The following CEP128 variants were observed in gnomAD, a reference collection of about 807,000 sequenced individuals.
CEP128 encodes the protein centrosomal protein 128kDa.
In CEP128, 132 loss-of-function variants were observed where a neutral mutation model predicts 156.7. The ratio of observed to expected loss-of-function variants is 0.84; its 90% CI spans 0.73 to 0.97. CEP128 has a LOEUF of 0.97. Ranked by LOEUF, CEP128 falls within the 50% of genes least tolerant of loss-of-function variation. CEP128 has a pLI of 0.00. For missense variants in CEP128, 1,252 were observed against 1,281.9 expected, an observed-to-expected ratio of 0.98 and a Z score of 0.36; for synonymous variants, 469 against 448.9, an observed-to-expected ratio of 1.04 and a Z score of -0.57.
intron 13 of CEP128, among the ~76,000 whole-genome samples, chr14:80,798,380 C>A (rs1031060232): frequency 1.3e-5 from 2 of 152,124 alleles, no homozygotes; most frequent in South Asian, 4.1e-4. Flanking sequence ...GAAGTGAAGT[C>A]CAGTGGAAAC....
intron 24 of CEP128, among the ~76,000 whole-genome samples, chr14:80,504,238 A>G (rs571821282): frequency 6.6e-6 from 1 of 152,354 alleles, no homozygotes. Context: ...CCAAGGAAAC[A>G]GTGGTGAACA....
At chr14:80,732,990 T>G (rs1042892929) in intron 19 of CEP128, among the ~76,000 whole-genome samples, 29 of 152,234 alleles carry the variant, frequency 1.9e-4, no homozygotes, top group African/African-American at 7.0e-4. Context: ...TGGTTAAAAT[T>G]TGGAGTACGT....
chr14:80,706,617 T>A (rs1239215880), intron 19 of CEP128, among the ~76,000 whole-genome samples: 1 of 152,128 alleles, frequency 6.6e-6, no homozygotes, highest in African/African-American at 2.4e-5. Flanking sequence ...AATTATGATG[T>A]GGGTCTTTTA....
chr14:80,663,153 C>G (rs1369413404), intron 19 of CEP128, among the ~76,000 whole-genome samples: 1 of 152,160 alleles, frequency 6.6e-6, no homozygotes, highest in Non-Finnish European at 1.5e-5. Context: ...GCTGAGAGAG[C>G]AGGCTCTCTA....
chr14:80,761,396 A>T, intron 17 of CEP128, 41 bp downstream of exon 17: 1 of 1,392,266 alleles, frequency 7.2e-7, no homozygotes, highest in African/African-American at 1.4e-5. Flanking sequence ...ATATTAGGAA[A>T]CTAACTGAAA....
At chr14:80,519,893 ATTAAAGT>A (rs1398140834) in intron 23 of CEP128, among the ~76,000 whole-genome samples, 1 of 152,162 alleles carries the variant, frequency 6.6e-6, no homozygotes, top group East Asian at 1.9e-4. Context: ...AAGTGCAGAA[ATTAAAGT>A]TTGCTGTGGT....
At chr14:80,697,584 C>T (rs181033257) in intron 19 of CEP128, among the ~76,000 whole-genome samples, 18 of 152,014 alleles carry the variant, frequency 1.2e-4, no homozygotes, top group South Asian at 8.3e-4. Context: ...TCTATATGTA[C>T]ATTTTGTTTT....
intron 13 of CEP128, among the ~76,000 whole-genome samples, chr14:80,816,839 C>G (rs144104991): frequency 6.6e-6 from 1 of 152,032 alleles, no homozygotes; most frequent in Non-Finnish European, 1.5e-5. Flanking sequence ...AACAAAGAGA[C>G]GGCTAAGAGC....
At chr14:80,766,844 A>C (rs1441817952) in intron 16 of CEP128, among the ~76,000 whole-genome samples, 1 of 152,144 alleles carries the variant, frequency 6.6e-6, no homozygotes, top group Non-Finnish European at 1.5e-5. Context: ...AGGTAGAGAA[A>C]GAGAGAAATC....
intron 19 of CEP128, among the ~76,000 whole-genome samples, chr14:80,696,410 G>A (rs1896893472): frequency 1.3e-5 from 2 of 152,120 alleles, no homozygotes; most frequent in Non-Finnish European, 2.9e-5. Context: ...AAACATCAGG[G>A]TAGAGATTAA....
intron 19 of CEP128, among the ~76,000 whole-genome samples, chr14:80,655,001 C>T (rs750545835): frequency 2.6e-5 from 4 of 152,106 alleles, no homozygotes; most frequent in Non-Finnish European, 4.4e-5. Context: ...TCTCAGTCAC[C>T]GTTTACATGT....
intron 14 of CEP128, among the ~76,000 whole-genome samples, chr14:80,787,419 G>A (rs183490904): frequency 1.3e-5 from 2 of 151,850 alleles, no homozygotes; most frequent in South Asian, 2.1e-4. Flanking sequence ...GAATCCTTCC[G>A]AAGCTCCAAC....
chr14:80,836,225 TC>T lies in CEP128; in HGVS notation c.1036del (p.Glu346ArgfsTer23), dbSNP rs753303356. 6.2e-7 allele frequency: 1 copy of T among 1,613,962 alleles called. No individual in the cohort carries two copies. The highest frequency in any genetic ancestry group is 1.1e-5 in the South Asian group (1 of 91,076). On this transcript the variant is annotated frameshift_variant, in exon 12 of 25. Transcript: ENST00000555265. LOFTEE classifies it high-confidence loss of function. The stretch of plus-strand genomic sequence containing the variant: ...TTTACCTCTCCTAAATCTCCAGTCC[TC>T]CCCTTGTTCATCCTGATAGTTTGAC... Reference protein sequence around the residue: ...QQSNYQDEQGEDWRFRRGVER... With the variant: ...QQSNYQDEQGXDWRFRRGVER...
chr14:80,651,876 A>C (rs1369119912), intron 19 of CEP128, among the ~76,000 whole-genome samples: 2 of 152,146 alleles, frequency 1.3e-5, no homozygotes, highest in Admixed American at 6.6e-5. Context: ...TGTGGTGCTG[A>C]AAAGAATGTA....
In CEP128 at chr14:80,886,793, T is replaced by G. The variant is rs190710497; in HGVS notation, c.645+8925A>C. ...CACACATAACAATATTAACCTTAAATGTAAATGGGCTAAATGCCCCAATTA... is the reference window on the plus strand; with the variant it reads ...CACACATAACAATATTAACCTTAAAGGTAAATGGGCTAAATGCCCCAATTA... On this transcript the variant is annotated intron_variant, in intron 8 of 24. Coordinates refer to ENST00000555265, the MANE Select transcript of CEP128 (RefSeq NM_152446.5). 1.6e-3 allele frequency among the ~76,000 whole-genome samples: 241 copies of G among 152,264 alleles called. 1 individual carries two copies. Among genetic ancestry groups the G allele is most frequent in the Non-Finnish European group, 2.6e-3 (176 of 68,026 alleles).
intron 14 of CEP128, among the ~76,000 whole-genome samples, chr14:80,482,063 A>G (rs1887064770): frequency 6.6e-6 from 1 of 152,266 alleles, no homozygotes; most frequent in African/African-American, 2.4e-5. Context: ...TTTTAAAGAA[A>G]AAGTGCTGCT....
At chr14:80,633,275 C>A (rs897582093) in intron 19 of CEP128, among the ~76,000 whole-genome samples, 1 of 152,108 alleles carries the variant, frequency 6.6e-6, no homozygotes, top group African/African-American at 2.4e-5. Context: ...AAACTAGCTT[C>A]TTTTGAAACT....
At chr14:80,503,763 T>C (rs771203254) in intron 24 of CEP128, among the ~76,000 whole-genome samples, 2 of 152,284 alleles carry the variant, frequency 1.3e-5, no homozygotes, top group Admixed American at 6.5e-5. Flanking sequence ...TTGAGGTCCA[T>C]ATTGAAGGGT....
chr14:80,510,623 C>T (rs1038187982), intron 23 of CEP128, among the ~76,000 whole-genome samples: 1 of 152,044 alleles, frequency 6.6e-6, no homozygotes, highest in African/African-American at 2.4e-5. Context: ...CTAACTAGGA[C>T]TTCCAAGGCT....
Sources: gnomAD v4.1 joint callset for allele counts (sites outside exome capture counted in the v4.1 genomes callset) on GRCh38, gnomAD v4.1.1 for gene constraint, MANE v1.5 for transcripts, NCBI Gene and HGNC (gene_info 2026-07-23, HGNC 2026-07-21) for gene names.